Variants in NFIB observed in about 807,000 individuals in gnomAD.
NFIB encodes the protein nuclear factor 1 B-type.
A neutral mutation model predicts 61.5 loss-of-function variants in NFIB; 11 were observed. The ratio of observed to expected loss-of-function variants is 0.18; its 90% CI spans 0.11 to 0.30. NFIB has a LOEUF of 0.30. Ranked by LOEUF, NFIB falls within the 10% of genes least tolerant of loss-of-function variation. The probability of loss-of-function intolerance (pLI) is 1.00; values close to 1 mark genes in which losing one functional copy is unlikely to be tolerated. For missense variants in NFIB, 471 were observed against 608.9 expected (o/e 0.77, Z 2.38); for synonymous variants, 260 against 216.5 (o/e 1.20, Z -1.76).
intron 2 of NFIB, among the ~76,000 whole-genome samples, chr9:14,250,267 C>CT (rs3834711): frequency 0.51 from 77,816 of 151,800 alleles, 21,029 homozygotes; most frequent in Non-Finnish European, 0.59. Context: ...CATATAATAT[C>CT]TTTTTTTGTT....
In NFIB at chr9:14,241,941, A is replaced by G. The variant is rs545295952; in HGVS notation, c.563-62161T>C. Among the ~76,000 whole-genome samples, 11 of 152,276 alleles carry G rather than the reference A, an allele frequency of 7.2e-5. No homozygotes were observed. The East Asian group carries it at 2.1e-3, about 29-fold the overall frequency. On this transcript the variant is annotated intron_variant, in intron 2 of 10. Transcript: ENST00000380953. Reference sequence around the variant, plus strand: ...TATACATAAGATCACAAGACAAGAAATGGTCATTTATAAATTATCCTGTCT... The same window carrying G: ...TATACATAAGATCACAAGACAAGAAGTGGTCATTTATAAATTATCCTGTCT...
At chr9:14,511,400 AT>A in the NFIB span, among the ~76,000 whole-genome samples, 33 of 152,184 alleles carry the variant, frequency 2.2e-4, no homozygotes, top group Non-Finnish European at 3.7e-4. Context: ...TTATGTTTAT[AT>A]AATTTTAATT....
intron 1 of NFIB, among the ~76,000 whole-genome samples, chr9:14,388,143 T>C (rs1224787280): frequency 1.3e-5 from 2 of 152,172 alleles, no homozygotes; most frequent in African/African-American, 2.4e-5. Context: ...AAAAGTATTA[T>C]AGGATACTAC....
intron 2 of NFIB, among the ~76,000 whole-genome samples, chr9:14,199,503 A>T (rs915601102): frequency 6.6e-5 from 10 of 152,132 alleles, no homozygotes; most frequent in Non-Finnish European, 1.3e-4. Flanking sequence ...AACTTAACTC[A>T]CCCATTTGTG....
the NFIB span, among the ~76,000 whole-genome samples, chr9:14,431,293 A>T: frequency 6.6e-6 from 1 of 152,194 alleles, no homozygotes; most frequent in Non-Finnish European, 1.5e-5. Context: ...TTGGACATGG[A>T]TCTGGCCACT....
chr9:14,518,902 G>A, the NFIB span, among the ~76,000 whole-genome samples: 1 of 152,058 alleles, frequency 6.6e-6, no homozygotes. Context: ...GGGAGATGGG[G>A]GATTCCCACT....
intron 1 of NFIB, among the ~76,000 whole-genome samples, chr9:14,376,773 C>T (rs2061424814): frequency 6.6e-6 from 1 of 152,104 alleles, no homozygotes; most frequent in Non-Finnish European, 1.5e-5. Flanking sequence ...TCACCTCAGC[C>T]TCCCAAGGTG....
At position 14,313,864 on chromosome 9, in the gene NFIB, T is replaced by TG; in HGVS notation, c.-354dup. 1.7e-6 allele frequency: 2 copies of TG among 1,192,550 alleles called. No individual in the cohort carries two copies. Among genetic ancestry groups the TG allele is most frequent in the Non-Finnish European group, 2.1e-6 (2 of 957,102 alleles). The allele number at this position is 1,192,550 out of a possible 1,614,324, so 73.9% of individuals were successfully genotyped here. ...TCTATTTTGCAGTTGTTGTTGTTGT[T>TG]GGGGTGTAGGGGGTGCGCGAAGGTT... is the stretch of plus-strand genomic sequence containing the variant. On this transcript the variant is annotated 5_prime_UTR_variant, in exon 1 of 11. Transcript: ENST00000380953. This position sits in a 1 kb window ranked among gnomAD's most constrained non-coding sequence, Gnocchi z 4.5.
chr9:14,455,805 G>A, the NFIB span, among the ~76,000 whole-genome samples: 1 of 151,890 alleles, frequency 6.6e-6, no homozygotes. Context: ...AAATTCACTT[G>A]GAAAAATTTT....
At chr9:14,365,265 G>C (rs2061287243) in intron 1 of NFIB, among the ~76,000 whole-genome samples, 1 of 152,142 alleles carries the variant, frequency 6.6e-6, no homozygotes, top group African/African-American at 2.4e-5. Flanking sequence ...CAGATGTAAT[G>C]GTTTCACATT....
upstream of NFIB, among the ~76,000 whole-genome samples, chr9:14,400,192 A>T (rs2061729256): frequency 6.6e-6 from 1 of 152,204 alleles, no homozygotes; most frequent in Non-Finnish European, 1.5e-5. Context: ...TGCACTTATG[A>T]TAAATTACTT....
At chr9:14,360,730 G>C (rs931277259) in intron 1 of NFIB, among the ~76,000 whole-genome samples, 2 of 152,042 alleles carry the variant, frequency 1.3e-5, no homozygotes, top group East Asian at 1.9e-4. Flanking sequence ...ATTTTTAGTA[G>C]AGACGGGGTT....
At chr9:14,462,481 A>G in the NFIB span, among the ~76,000 whole-genome samples, 1 of 151,806 alleles carries the variant, frequency 6.6e-6, no homozygotes, top group East Asian at 1.9e-4. Flanking sequence ...ACGGGGTTTC[A>G]CTGTGTTAGC....
At chr9:14,092,131 T>C (rs1444037447) in intron 10 of NFIB, among the ~76,000 whole-genome samples, 2 of 152,110 alleles carry the variant, frequency 1.3e-5, no homozygotes, top group African/African-American at 4.8e-5. Context: ...GGTAGCACTG[T>C]GGAAGAAAAC....
At chr9:14,189,172 C>T (rs2047674423) in intron 2 of NFIB, among the ~76,000 whole-genome samples, 1 of 152,188 alleles carries the variant, frequency 6.6e-6, no homozygotes, top group South Asian at 2.1e-4. Context: ...CTCCTGTGTA[C>T]ACATGGCCCC....
At chr9:14,323,787 ATT>A (rs1554713654) in intron 1 of NFIB, among the ~76,000 whole-genome samples, 6 of 151,836 alleles carry the variant, frequency 4.0e-5, no homozygotes, top group Non-Finnish European at 5.9e-5. Context: ...AACACGCAGT[ATT>A]TTTTTTTAAA....
At chr9:14,179,305 A>G (rs1266833662) in intron 3 of NFIB, among the ~76,000 whole-genome samples, 1 of 152,168 alleles carries the variant, frequency 6.6e-6, no homozygotes, top group Non-Finnish European at 1.5e-5. Flanking sequence ...CAGTGAAAAC[A>G]CAACCAACCA....
At chr9:14,220,951 G>A (rs953761308) in intron 2 of NFIB, among the ~76,000 whole-genome samples, 4 of 149,180 alleles carry the variant, frequency 2.7e-5, no homozygotes, top group Admixed American at 6.7e-5. Context: ...TCTGAACTAC[G>A]TTATATCCTA....
intron 1 of NFIB, among the ~76,000 whole-genome samples, chr9:14,378,516 C>T (rs2061446061): frequency 6.6e-6 from 1 of 152,136 alleles, no homozygotes; most frequent in African/African-American, 2.4e-5. Context: ...GCCACCACGC[C>T]CAGCTAGTTT....
Sources: gnomAD v4.1 joint callset for allele counts (sites outside exome capture counted in the v4.1 genomes callset) on GRCh38, gnomAD v4.1.1 for gene constraint, Gnocchi (gnomAD v3.1) non-coding constraint, MANE v1.5 for transcripts, NCBI Gene and HGNC (gene_info 2026-07-23, HGNC 2026-07-21) for gene names.